Variants in NAA35 observed in about 807,000 individuals in gnomAD.
NAA35 encodes the protein N-alpha-acetyltransferase 35, NatC auxiliary subunit.
A neutral mutation model predicts 101.7 loss-of-function variants in NAA35; 18 were observed. The ratio of observed to expected loss-of-function variants is 0.18; its 90% confidence interval spans 0.12 to 0.26. The LOEUF is 0.26. Among genes scored for constraint, NAA35 ranks in the 10% least tolerant of loss-of-function variants. The pLI, the probability that NAA35 is intolerant of heterozygous loss-of-function variation, is 1.00. For missense variants in NAA35, 601 were observed against 886.8 expected (o/e 0.68, Z 4.09); for synonymous variants, 267 against 273.1 (o/e 0.98, Z 0.22).
Position 85,976,476 on chromosome 9 carries a change from C to T in NAA35, c.628-209C>T, listed in dbSNP as rs546145611. On this transcript the variant is annotated intron_variant, in intron 8 of 22. Transcript: ENST00000361671. Reference sequence around the variant, plus strand: ...GCTGTTTGAATACTTAATTCTTTTCCATGATCTTTATAATTTATGTCAAAA... The same window carrying T: ...GCTGTTTGAATACTTAATTCTTTTCTATGATCTTTATAATTTATGTCAAAA... Among the ~76,000 whole-genome samples, 4 of 152,128 alleles carry T rather than the reference C, an allele frequency of 2.6e-5. No individual in the cohort carries two copies. The South Asian group carries it at 8.3e-4, about 32-fold the overall frequency.
Position 86,022,092 on chromosome 9 carries a change from C to T in NAA35, c.*132C>T. On this transcript the variant is annotated 3_prime_UTR_variant, in exon 23 of 23. Transcript: ENST00000361671. ...GGGTAACAACTCATTATAAGGAATA[C>T]TTTTAGTTTGACAGCCTTATATGAC... The T allele has an allele frequency of 1.5e-6, 1 of 663,770 alleles. No individual in the cohort carries two copies. 41.1% of individuals were successfully genotyped at this position (663,770 alleles called of 1,614,324 possible). A position where few individuals can be genotyped will look rare whatever the true frequency, so the allele number is the denominator to read the frequency against.
At chr9:85,941,333 G>A in intron 1 of NAA35, 60 bp downstream of exon 1, 2 of 985,556 alleles carry the variant, frequency 2.0e-6, no homozygotes, top group Non-Finnish European at 2.4e-6. Context: ...GAGAGCCGCA[G>A]CCCCCCGCGC....
chr9:86,003,283 T>A (rs577177974), intron 12 of NAA35, among the ~76,000 whole-genome samples: 29 of 152,364 alleles, frequency 1.9e-4, no homozygotes, highest in African/African-American at 6.5e-4. Context: ...GGAACTAAAG[T>A]TCTGCCATGA....
chr9:85,944,223 C>G (rs909510403), intron 2 of NAA35, among the ~76,000 whole-genome samples: 13 of 152,114 alleles, frequency 8.5e-5, no homozygotes, highest in African/African-American at 2.4e-4. Context: ...TCTTAGTTTT[C>G]TACTCTGGAA....
At position 85,996,913 on chromosome 9, in the gene NAA35, G is replaced by A. The variant is rs190298317; in HGVS notation, c.1056+336G>A. ...GTTGTCTAGGCAGGAGTACAGTGGT[G>A]TGATCTTGGCTCAAAGTGAACTTAA... On this transcript the variant is annotated intron_variant, in intron 12 of 22. Coordinates refer to ENST00000361671, the MANE Select transcript of NAA35 (RefSeq NM_024635.4). Among the ~76,000 whole-genome samples, 732 of 152,124 alleles carry A rather than the reference G, an allele frequency of 4.8e-3. 5 individuals carry two copies. The highest frequency in any genetic ancestry group is 0.017 in the African/African-American group (696 of 41,518).
At chr9:85,989,483 A>T (rs1830800788) in intron 11 of NAA35, among the ~76,000 whole-genome samples, 1 of 147,092 alleles carries the variant, frequency 6.8e-6, no homozygotes, top group South Asian at 2.1e-4. Flanking sequence ...AACAAAAAAC[A>T]AACAAACAAA....
At chr9:85,959,235 G>C (rs1829404005) in intron 4 of NAA35, among the ~76,000 whole-genome samples, 1 of 151,860 alleles carries the variant, frequency 6.6e-6, no homozygotes, top group Admixed American at 6.6e-5. Context: ...AATTAGCTGG[G>C]CGTGGTGGCA....
intron 2 of NAA35, among the ~76,000 whole-genome samples, chr9:85,951,740 CT>C (rs1251214651): frequency 6.6e-6 from 1 of 152,204 alleles, no homozygotes; most frequent in African/African-American, 2.4e-5. Flanking sequence ...ACTGCCACCC[CT>C]GCCTCTGGGT....
chr9:85,975,455 C>G (rs1830172235), intron 8 of NAA35, among the ~76,000 whole-genome samples: 1 of 152,116 alleles, frequency 6.6e-6, no homozygotes, highest in African/African-American at 2.4e-5. Flanking sequence ...CAAGGATGCT[C>G]AAGTCTCTTA....
chr9:86,007,379 A>G lies in NAA35; in HGVS notation c.1138A>G (p.Lys380Glu). ...LLQTTFLVDN[K>E]KVFGTHLMQD... ...TAAGACCACTTTCCTGGTGGATAAC[A>G]AAAAGGTCTTTGGAACTCATCTCAT... Residue 380 changes from lysine to glutamate, a missense_variant, in exon 14 of 23, where the codon AAA becomes GAA. Lys to Glu is a moderately conservative substitution (Grantham distance 56). Around this residue, in one of 8 missense-constraint regions of NAA35, gnomAD observed 190 missense variants for 223.1 expected, o/e 0.85. Coordinates refer to ENST00000361671, the MANE Select transcript of NAA35 (RefSeq NM_024635.4). 6.2e-7 allele frequency: 1 copy of G among 1,613,056 alleles called. No homozygotes were observed. Among genetic ancestry groups the G allele is most frequent in the Non-Finnish European group, 8.5e-7 (1 of 1,179,236 alleles).
At chr9:85,942,370 A>G in intron 2 of NAA35, 87 bp downstream of exon 2, 2 of 1,525,110 alleles carry the variant, frequency 1.3e-6, no homozygotes, top group Admixed American at 4.1e-5. Context: ...ATTAGATGAA[A>G]TCAACAGGTA....
At chr9:86,010,082 C>G (rs535737752) in intron 15 of NAA35, 151 bp downstream of exon 15, 3 of 638,484 alleles carry the variant, frequency 4.7e-6, no homozygotes, top group East Asian at 2.8e-5. Flanking sequence ...GAAACCCCAT[C>G]TCTACTAAAA....
intron 12 of NAA35, among the ~76,000 whole-genome samples, chr9:85,997,726 C>T (rs1041633943): frequency 3.3e-5 from 5 of 152,202 alleles, no homozygotes; most frequent in African/African-American, 1.2e-4. Context: ...TCAAGCAATC[C>T]TTCCATCTTG....
At chr9:85,960,827 A>G (rs1339921210) in intron 5 of NAA35, among the ~76,000 whole-genome samples, 1 of 152,248 alleles carries the variant, frequency 6.6e-6, no homozygotes, top group Non-Finnish European at 1.5e-5. Flanking sequence ...AGAGTAAGAA[A>G]GGCTGTAGAA....
At chr9:86,015,159 T>C (rs540468599) in intron 17 of NAA35, among the ~76,000 whole-genome samples, 1 of 152,330 alleles carries the variant, frequency 6.6e-6, no homozygotes, top group African/African-American at 2.4e-5. Context: ...GATCAAAATA[T>C]TATTTTTATA....
chr9:86,011,359 A>ATATT (rs919543637), intron 15 of NAA35, among the ~76,000 whole-genome samples: 6 of 151,554 alleles, frequency 4.0e-5, no homozygotes, highest in East Asian at 3.9e-4. Flanking sequence ...ATTTTTTAAA[A>ATATT]TATTTATTTA....
intron 15 of NAA35, among the ~76,000 whole-genome samples, chr9:86,010,569 ATTTTTTT>A (rs377654981): frequency 3.4e-5 from 4 of 118,680 alleles, no homozygotes; most frequent in Admixed American, 8.8e-5. Context: ...TAACCTTAGA[ATTTTTTT>A]TTTTTTTTTT....
At chr9:85,951,137 C>CAAAAAA (rs563456145) in intron 2 of NAA35, among the ~76,000 whole-genome samples, 1 of 86,034 alleles carries the variant, frequency 1.2e-5, no homozygotes, top group African/African-American at 4.2e-5. Context: ...GACTCCATCT[C>CAAAAAA]AAAAAAAAAA....
At chr9:85,961,648 A>G (rs764771498) in intron 5 of NAA35, among the ~76,000 whole-genome samples, 2 of 152,188 alleles carry the variant, frequency 1.3e-5, no homozygotes, top group Non-Finnish European at 2.9e-5. Flanking sequence ...TGTGGTGGTA[A>G]GGATTATAAA....
Sources: allele counts gnomAD v4.1 joint callset (sites outside exome capture counted in the v4.1 genomes callset), GRCh38; gene constraint gnomAD v4.1.1; regional missense constraint gnomAD v4.1.1; transcripts MANE v1.5; gene names NCBI Gene and HGNC (gene_info 2026-07-23, HGNC 2026-07-21).